Variants in EPHB1 observed in about 807,000 individuals in gnomAD.
The protein encoded by EPHB1 is ephrin type-B receptor 1.
In EPHB1, 30 loss-of-function variants were observed where a neutral mutation model predicts 94.4. That is an observed-to-expected ratio of 0.32 (90% CI 0.24 to 0.43). The LOEUF is 0.43. EPHB1 is among the 20% of genes least tolerant of loss of function. The pLI is 1.00. For synonymous variants in EPHB1, 522 were observed against 489.1 expected, an observed-to-expected ratio of 1.07 and a Z score of -0.89; for missense variants, 1,055 against 1,308.3, an observed-to-expected ratio of 0.81 and a Z score of 2.99.
In EPHB1 at chr3:134,795,648, T is replaced by G. The variant is rs773620075; in HGVS notation, c.17T>G (p.Leu6Arg). The change falls in exon 1 of 16, where the codon CTA (leucine) becomes CGA (arginine). Residue 6 changes from leucine to arginine, a missense_variant. Physicochemically the swap from Leu to Arg is moderately radical, Grantham distance 102 (BLOSUM62 -2). Coordinates refer to ENST00000398015, the MANE Select transcript of EPHB1 (RefSeq NM_004441.5). MALDYLLLLLLASAVA... is the reference protein window; with the variant it reads MALDYRLLLLLASAVA... ...CGGCCGGCGATGGCCCTGGATTATC[T>G]ACTACTGCTCCTCCTGGCATCCGCA... is the stretch of plus-strand genomic sequence containing the variant. The G allele has an allele frequency of 6.2e-6, 10 of 1,609,224 alleles. No individual in the cohort carries two copies. The highest frequency in any genetic ancestry group is 6.8e-6 in the Non-Finnish European group (8 of 1,178,186).
rs1462149913 is a variant in EPHB1 at position 135,003,208 on chromosome 3, C to T, written c.805+51156C>T. ...AACATCTTTATTTCTGCCTTCATTTCGTTACGTACCCAGTAGTCATTCAGG... is the reference window on the plus strand; with the variant it reads ...AACATCTTTATTTCTGCCTTCATTTTGTTACGTACCCAGTAGTCATTCAGG... On this transcript the variant is annotated intron_variant, in intron 3 of 15. Coordinates refer to ENST00000398015, the MANE Select transcript of EPHB1 (RefSeq NM_004441.5). Among the ~76,000 whole-genome samples, 8 of 150,488 alleles carry T rather than the reference C, an allele frequency of 5.3e-5. No individual in the cohort carries two copies. In the East Asian group the frequency reaches 5.9e-4, roughly 11 times the overall value.
intron 3 of EPHB1, among the ~76,000 whole-genome samples, chr3:135,056,906 G>A (rs1418291345): frequency 6.6e-6 from 1 of 152,162 alleles, no homozygotes; most frequent in African/African-American, 2.4e-5. Flanking sequence ...TCTTACCCAA[G>A]TGCGTGTTAT....
chr3:135,230,263 T>A (rs1337990016), intron 12 of EPHB1, among the ~76,000 whole-genome samples: 2 of 152,148 alleles, frequency 1.3e-5, no homozygotes, highest in Non-Finnish European at 2.9e-5. Context: ...CCAGAGGGCC[T>A]AGAGGCTCAT....
At chr3:135,039,230 G>A (rs1049415141) in intron 3 of EPHB1, among the ~76,000 whole-genome samples, 1 of 152,190 alleles carries the variant, frequency 6.6e-6, no homozygotes, top group Non-Finnish European at 1.5e-5. Flanking sequence ...AGAGCAGCTA[G>A]ATAGAGAGTG....
intron 5 of EPHB1, among the ~76,000 whole-genome samples, chr3:135,151,328 C>T (rs1941187171): frequency 6.6e-6 from 1 of 152,120 alleles, no homozygotes; most frequent in Admixed American, 6.5e-5. Context: ...CTTCTGGGTC[C>T]CACTGACTCC....
chr3:135,045,676 G>A (rs1341759410), intron 3 of EPHB1, among the ~76,000 whole-genome samples: 3 of 152,198 alleles, frequency 2.0e-5, no homozygotes, highest in African/African-American at 7.2e-5. Context: ...GAAAATTGGA[G>A]CTTTGGGAAA....
chr3:135,051,130 G>A (rs558436409), intron 3 of EPHB1, among the ~76,000 whole-genome samples: 35 of 152,214 alleles, frequency 2.3e-4, no homozygotes, highest in Admixed American at 6.5e-4. Context: ...GCCTCATTTC[G>A]TGAGTATTTG....
rs1453335445 is a variant in EPHB1 at position 135,195,628 on chromosome 3, T to C, written c.2130+2805T>C. Reference sequence around the variant, plus strand: ...CGATAGTTTACTGAGAATGATGATTTCCAATTTCATCCATGTCCCTACAAA... The same window carrying C: ...CGATAGTTTACTGAGAATGATGATTCCCAATTTCATCCATGTCCCTACAAA... On this transcript the variant is annotated intron_variant, in intron 11 of 15. Transcript: ENST00000398015. 4.8e-5 allele frequency among the ~76,000 whole-genome samples: 7 copies of C among 145,166 alleles called. No individual in the cohort carries two copies. In the East Asian group the frequency reaches 1.4e-3, roughly 29 times the overall value.
At chr3:135,103,675 C>G (rs1442805037) in intron 3 of EPHB1, among the ~76,000 whole-genome samples, 1 of 152,214 alleles carries the variant, frequency 6.6e-6, no homozygotes, top group Non-Finnish European at 1.5e-5. Context: ...AAGCTAGGAG[C>G]TGGCAGAGCC....
At chr3:135,092,086 A>G (rs1011417828) in intron 3 of EPHB1, among the ~76,000 whole-genome samples, 1 of 152,194 alleles carries the variant, frequency 6.6e-6, no homozygotes, top group Non-Finnish European at 1.5e-5. Flanking sequence ...AAACGTGGGA[A>G]GCAGCCTGAC....
chr3:135,039,413 GCA>G (rs1936757029), intron 3 of EPHB1, among the ~76,000 whole-genome samples: 8 of 152,224 alleles, frequency 5.3e-5, no homozygotes, highest in African/African-American at 1.4e-4. Flanking sequence ...TGCCAGTCCT[GCA>G]CCGTGCGCTC....
chr3:134,895,104 A>G (rs142569460), intron 1 of EPHB1, among the ~76,000 whole-genome samples: 2 of 152,310 alleles, frequency 1.3e-5, no homozygotes, highest in African/African-American at 4.8e-5. Context: ...TTGCAGTTTA[A>G]AAGATGTGAT....
intron 3 of EPHB1, among the ~76,000 whole-genome samples, chr3:135,069,342 T>G (rs1043442900): frequency 6.6e-6 from 1 of 152,088 alleles, no homozygotes; most frequent in African/African-American, 2.4e-5. Flanking sequence ...GAGCAGGGGA[T>G]TTCATAGTGC....
intron 3 of EPHB1, among the ~76,000 whole-genome samples, chr3:135,023,692 A>T (rs1426563622): frequency 6.6e-6 from 1 of 152,174 alleles, no homozygotes; most frequent in East Asian, 1.9e-4. Context: ...TCATGACCTA[A>T]TAATTGATGG....
intron 5 of EPHB1, among the ~76,000 whole-genome samples, chr3:135,146,089 T>C (rs534205857): frequency 6.6e-6 from 1 of 152,132 alleles, no homozygotes; most frequent in African/African-American, 2.4e-5. Flanking sequence ...GTGCACTGTG[T>C]CCCAAAGTGG....
intron 9 of EPHB1, among the ~76,000 whole-genome samples, chr3:135,174,140 A>G (rs1372835983): frequency 6.6e-6 from 1 of 152,216 alleles, no homozygotes; most frequent in Non-Finnish European, 1.5e-5. Flanking sequence ...CAAATGCTGC[A>G]GCTTGCCAGC....
chr3:134,971,079 G>A (rs1443497655), intron 3 of EPHB1, among the ~76,000 whole-genome samples: 4 of 152,158 alleles, frequency 2.6e-5, no homozygotes, highest in South Asian at 2.1e-4. Flanking sequence ...GGATGGAGGG[G>A]AAAGCTGTTT....
intron 1 of EPHB1, among the ~76,000 whole-genome samples, chr3:134,920,455 C>T (rs144246037): frequency 5.9e-5 from 9 of 152,208 alleles, no homozygotes; most frequent in African/African-American, 1.2e-4. Flanking sequence ...TGTACGGTGG[C>T]GCTAGCCCTG....
chr3:134,931,931 G>T (rs1322453805), intron 2 of EPHB1, among the ~76,000 whole-genome samples: 3 of 152,022 alleles, frequency 2.0e-5, no homozygotes, highest in African/African-American at 7.3e-5. Context: ...GTGTGTATAT[G>T]TGTATCTGTA....
Sources: allele counts gnomAD v4.1 joint callset (sites outside exome capture counted in the v4.1 genomes callset), GRCh38; gene constraint gnomAD v4.1.1; transcripts MANE v1.5; gene names NCBI Gene and HGNC (gene_info 2026-07-23, HGNC 2026-07-21).